Variants in NSMCE2 observed in about 807,000 individuals in gnomAD.
NSMCE2 encodes E3 SUMO-protein ligase NSE2.
A neutral mutation model predicts 23.8 loss-of-function variants in NSMCE2; 24 were observed. The ratio of observed to expected loss-of-function variants is 1.01; its 90% confidence interval spans 0.73 to 1.42. The LOEUF is 1.42. Ranked by LOEUF, NSMCE2 falls within the 40% of genes most tolerant of loss-of-function variation. NSMCE2 has a pLI of 0.00. For synonymous variants in NSMCE2, 92 were observed against 94.1 expected (o/e 0.98, Z 0.13); for missense variants, 284 against 296.5 (o/e 0.96, Z 0.31).
intron 4 of NSMCE2, among the ~76,000 whole-genome samples, chr8:125,177,476 A>T (rs766233881): frequency 1.1e-4 from 17 of 152,032 alleles, no homozygotes; most frequent in Non-Finnish European, 2.2e-4. Context: ...TTCACACAGA[A>T]CTCTGTTAAC....
chr8:125,322,465 G>A (rs1357547141), intron 5 of NSMCE2, among the ~76,000 whole-genome samples: 1 of 152,048 alleles, frequency 6.6e-6, no homozygotes, highest in Non-Finnish European at 1.5e-5. Context: ...AGAATAGAAG[G>A]GAACTTCTTA....
chr8:125,326,988 C>A (rs1305562660), intron 5 of NSMCE2, among the ~76,000 whole-genome samples: 1 of 147,884 alleles, frequency 6.8e-6, no homozygotes, highest in Non-Finnish European at 1.5e-5. Flanking sequence ...GAGGGCCAGG[C>A]GAGGTGGCTC....
chr8:125,343,142 A>T (rs1830306293), intron 5 of NSMCE2, among the ~76,000 whole-genome samples: 1 of 152,118 alleles, frequency 6.6e-6, no homozygotes, highest in South Asian at 2.1e-4. Context: ...CGCTGAGTAA[A>T]TCCTATGGGG....
At chr8:125,165,344 C>A (rs1331889879) in intron 4 of NSMCE2, among the ~76,000 whole-genome samples, 1 of 152,146 alleles carries the variant, frequency 6.6e-6, no homozygotes, top group Non-Finnish European at 1.5e-5. Flanking sequence ...AATTGGAAAA[C>A]AATATGAAAG....
Position 125,366,867 on chromosome 8 carries a change from ACAT to A in NSMCE2, c.728_730del (p.His243del), listed in dbSNP as rs1563809438. 6.2e-7 allele frequency: 1 copy of A among 1,606,398 alleles called. No individual in the cohort carries two copies. The highest frequency in any genetic ancestry group is 8.5e-7 in the Non-Finnish European group (1 of 1,172,992). ...CAATTGAGAACCATAACAAGAAAAG[ACAT>A]CGTCATTCCGAGTAGGAAAAGCCAC... On this transcript the variant is annotated inframe_deletion, in exon 8 of 8. Transcript: ENST00000287437.
chr8:125,149,652 T>C (rs1820884614), intron 3 of NSMCE2, among the ~76,000 whole-genome samples: 1 of 152,180 alleles, frequency 6.6e-6, no homozygotes, highest in South Asian at 2.1e-4. Flanking sequence ...ACCTTGCTTT[T>C]CTAATTTGCT....
At chr8:125,334,941 A>T (rs531242461) in intron 5 of NSMCE2, among the ~76,000 whole-genome samples, 1 of 151,650 alleles carries the variant, frequency 6.6e-6, no homozygotes, top group African/African-American at 2.4e-5. Flanking sequence ...TTTTTTGTAG[A>T]GGCGGAGTCT....
intron 4 of NSMCE2, among the ~76,000 whole-genome samples, chr8:125,181,153 TG>T (rs1416436534): frequency 2.3e-4 from 35 of 152,248 alleles, no homozygotes; most frequent in African/African-American, 7.7e-4. Context: ...TTGACTATAG[TG>T]GCTAAAGCTG....
chr8:125,322,502 G>T (rs1829497039), intron 5 of NSMCE2, among the ~76,000 whole-genome samples: 1 of 152,196 alleles, frequency 6.6e-6, no homozygotes, highest in Non-Finnish European at 1.5e-5. Context: ...TCTATGAAAA[G>T]CCTACATATA....
chr8:125,316,778 T>TCA, intron 5 of NSMCE2, among the ~76,000 whole-genome samples: 3 of 145,878 alleles, frequency 2.1e-5, no homozygotes, highest in Non-Finnish European at 4.5e-5. Context: ...CTTCTCTCTC[T>TCA]CTCTTTCTTT....
rs575232949 is a variant in NSMCE2, at chr8:125,161,650, A to G, written c.264+10373A>G. Among the ~76,000 whole-genome samples, 283 of 152,186 alleles carry G rather than the reference A, an allele frequency of 1.9e-3. 2 individuals carry two copies. The highest frequency in any genetic ancestry group is 3.4e-3 in the Middle Eastern group (1 of 294). ...CCACCTCTACTAAAATATAAAAATT[A>G]GCCAGGTGTGGTGGTACATGCCTGT... On this transcript the variant is annotated intron_variant, in intron 4 of 7. Coordinates refer to ENST00000287437, the MANE Select transcript of NSMCE2 (RefSeq NM_173685.4).
At chr8:125,183,634 G>GGTTGTGTGTGTGTGT (rs71515999) in intron 5 of NSMCE2, among the ~76,000 whole-genome samples, 38 of 147,502 alleles carry the variant, frequency 2.6e-4, no homozygotes, top group African/African-American at 9.5e-4. Flanking sequence ...ATTACTCAGT[G>GGTTGTGTGTGTGTGT]GTGTGTGTGT....
chr8:125,123,908 G>A (rs928025795), intron 3 of NSMCE2, among the ~76,000 whole-genome samples: 10 of 151,966 alleles, frequency 6.6e-5, no homozygotes, highest in African/African-American at 2.4e-4. Context: ...ACTTTATTGA[G>A]GTATGATTCA....
intron 3 of NSMCE2, among the ~76,000 whole-genome samples, chr8:125,144,686 G>A (rs965866347): frequency 8.6e-5 from 13 of 151,818 alleles, no homozygotes; most frequent in Admixed American, 8.5e-4. Flanking sequence ...CCTTCATTTT[G>A]CCCCTAGCCT....
intron 5 of NSMCE2, among the ~76,000 whole-genome samples, chr8:125,290,678 C>G (rs751035410): frequency 1.3e-5 from 2 of 152,230 alleles, no homozygotes; most frequent in Non-Finnish European, 2.9e-5. Context: ...GTCCAGGCAA[C>G]TGTGATCAAG....
At position 125,235,857 on chromosome 8, in the gene NSMCE2, T is replaced by C. The variant is rs1257689739; in HGVS notation, c.418+53601T>C. 5.9e-5 allele frequency among the ~76,000 whole-genome samples: 9 copies of C among 152,234 alleles called. No individual in the cohort carries two copies. In the East Asian group the frequency reaches 1.7e-3, roughly 29 times the overall value. On this transcript the variant is annotated intron_variant, in intron 5 of 7. Transcript: ENST00000287437. ...TTATTGCATATTTCACTATTTTTGC[T>C]GTGGGAAATAAAAGATGCTTGCCTT...
intron 5 of NSMCE2, among the ~76,000 whole-genome samples, chr8:125,202,124 G>T (rs1455403214): frequency 6.6e-6 from 1 of 152,210 alleles, no homozygotes; most frequent in East Asian, 1.9e-4. Flanking sequence ...GTCTGTCACG[G>T]CTTCCCTTGG....
intron 3 of NSMCE2, among the ~76,000 whole-genome samples, chr8:125,147,016 A>G (rs1264599557): frequency 6.6e-6 from 1 of 152,294 alleles, no homozygotes; most frequent in East Asian, 1.9e-4. Context: ...TATTATATAT[A>G]CATATATAAT....
At position 125,157,050 on chromosome 8, in the gene NSMCE2, A is replaced by G. The variant is rs773791541; in HGVS notation, c.264+5773A>G. Among the ~76,000 whole-genome samples, 128 of 152,316 alleles carry G rather than the reference A, an allele frequency of 8.4e-4. 2 individuals are homozygous for G. The Middle Eastern group carries it at 0.017, about 20-fold the overall frequency. ...AGTTCTAGGCCACAGGATGTAACCT[A>G]TTATATATGACCACTTACTGACTGA... On this transcript the variant is annotated intron_variant, in intron 4 of 7. Coordinates refer to ENST00000287437, the MANE Select transcript of NSMCE2 (RefSeq NM_173685.4).
Sources: allele counts gnomAD v4.1 joint callset (sites outside exome capture counted in the v4.1 genomes callset), GRCh38; gene constraint gnomAD v4.1.1; transcripts MANE v1.5; gene names NCBI Gene and HGNC (gene_info 2026-07-23, HGNC 2026-07-21).